STRAP: variants seen among roughly 807,000 people sequenced by gnomAD.
STRAP encodes the protein serine/threonine kinase receptor associated protein.
A neutral mutation model predicts 47.0 loss-of-function variants in STRAP; 16 were observed. That is an observed-to-expected ratio of 0.34 (90% CI 0.23 to 0.52). The LOEUF is 0.52. STRAP is among the 20% of genes least tolerant of loss of function. The pLI is 0.96. For missense variants in STRAP, 293 were observed against 420.0 expected, an observed-to-expected ratio of 0.70 and a Z score of 2.64; for synonymous variants, 130 against 142.7, an observed-to-expected ratio of 0.91 and a Z score of 0.63.
At chr12:15,900,824 T>C (rs1948097041) in intron 8 of STRAP, 123 bp from the exon 9 acceptor site, 2 of 663,292 alleles carry the variant, frequency 3.0e-6, no homozygotes. Context: ...AAAGGAGTTG[T>C]TTTTATTATA....
At chr12:15,899,698 T>C (rs1008422825) in intron 7 of STRAP, among the ~76,000 whole-genome samples, 1 of 152,184 alleles carries the variant, frequency 6.6e-6, no homozygotes, top group African/African-American at 2.4e-5. Context: ...AACTAGAATG[T>C]GTGCTAGATT....
Position 15,887,673 on chromosome 12 carries a change from C to G in STRAP, c.249-2255C>G, listed in dbSNP as rs1193714257. Among the ~76,000 whole-genome samples, 1 of 152,162 alleles carries G rather than the reference C, an allele frequency of 6.6e-6. No homozygotes were observed. Among genetic ancestry groups the G allele is most frequent in the Non-Finnish European group, 1.5e-5 (1 of 68,024 alleles). Reference sequence around the variant, plus strand: ...TATTACTACTTTGGTCACTCCAACTCTCTTCTCACCTTTGAATAGACACAG... The same window carrying G: ...TATTACTACTTTGGTCACTCCAACTGTCTTCTCACCTTTGAATAGACACAG... On this transcript the variant is annotated intron_variant, in intron 2 of 9. Transcript: ENST00000419869. The surrounding 1 kb of genome is among the most constrained non-coding windows in gnomAD (Gnocchi z 5.5).
intron 4 of STRAP, among the ~76,000 whole-genome samples, chr12:15,892,914 T>C (rs1028746304): frequency 2.6e-5 from 4 of 152,338 alleles, no homozygotes; most frequent in South Asian, 2.1e-4. Flanking sequence ...TTATGAAAGT[T>C]GCTCTTTCGC....
At position 15,887,449 on chromosome 12, in the gene STRAP, T is replaced by G. The variant is rs1947981193; in HGVS notation, c.249-2479T>G. On this transcript the variant is annotated intron_variant, in intron 2 of 9. Coordinates refer to ENST00000419869, the MANE Select transcript of STRAP (RefSeq NM_007178.4). This position sits in a 1 kb window ranked among gnomAD's most constrained non-coding sequence, Gnocchi z 5.5. ...TCTTGATTTGAGCCCTGTGGCCAAC[T>G]AATATATGTCAATTTCTTGCCTGGA... Among the ~76,000 whole-genome samples, 1 of 152,232 alleles carries G rather than the reference T, an allele frequency of 6.6e-6. No individual in the cohort carries two copies. Among genetic ancestry groups the G allele is most frequent in the African/African-American group, 2.4e-5 (1 of 41,454 alleles).
chr12:15,890,060 G>A lies in STRAP; in HGVS notation c.330+51G>A, dbSNP rs1209128450. The A allele has an allele frequency of 6.8e-7, 1 of 1,480,864 alleles. No homozygotes were observed. The highest frequency in any genetic ancestry group is 1.1e-5 in the South Asian group (1 of 88,030). The allele number at this position is 1,480,864 out of a possible 1,614,324, so 91.7% of individuals were successfully genotyped here. On this transcript the variant is annotated intron_variant, in intron 3 of 9. Coordinates refer to ENST00000419869, the MANE Select transcript of STRAP (RefSeq NM_007178.4). This position sits in a 1 kb window ranked among gnomAD's most constrained non-coding sequence, Gnocchi z 4.5. ...GCGAGTTAAGTTGCTGGTACATAGT[G>A]TGATAATGCTTTTATACTTGATTGG...
intron 2 of STRAP, among the ~76,000 whole-genome samples, chr12:15,886,769 G>A (rs994850744): frequency 7.9e-5 from 12 of 151,884 alleles, no homozygotes; most frequent in East Asian, 3.9e-4. Flanking sequence ...CCATTCTTAC[G>A]TTTCTTGGAA....
Position 15,893,958 on chromosome 12 carries a change from G to T in STRAP, c.404-89G>T. 9 of 1,048,006 alleles carry T rather than the reference G, an allele frequency of 8.6e-6. 1 individual carries two copies. The Middle Eastern group carries it at 1.3e-3, about 153-fold the overall frequency. 64.9% of individuals were successfully genotyped at this position (1,048,006 alleles called of 1,614,324 possible). On this transcript the variant is annotated intron_variant, in intron 4 of 9. Coordinates refer to ENST00000419869, the MANE Select transcript of STRAP (RefSeq NM_007178.4). ...AAAGTTGCAGTCTAATTTAAAATGTGTGTTTTTAAAAATATATAATTGTTC... is the reference window on the plus strand; with the variant it reads ...AAAGTTGCAGTCTAATTTAAAATGTTTGTTTTTAAAAATATATAATTGTTC...
At chr12:15,886,717 T>C (rs1404669125) in intron 2 of STRAP, among the ~76,000 whole-genome samples, 2 of 152,190 alleles carry the variant, frequency 1.3e-5, no homozygotes, top group Non-Finnish European at 2.9e-5. Flanking sequence ...TGATTAGTCA[T>C]GGTTGGTATA....
intron 4 of STRAP, among the ~76,000 whole-genome samples, chr12:15,893,738 T>C (rs1591987022): frequency 6.6e-6 from 1 of 150,706 alleles, no homozygotes; most frequent in East Asian, 1.9e-4. Context: ...TTATTTATTA[T>C]ACAATAATGC....
intron 2 of STRAP, among the ~76,000 whole-genome samples, chr12:15,888,356 A>G (rs927083418): frequency 6.6e-6 from 1 of 152,214 alleles, no homozygotes; most frequent in African/African-American, 2.4e-5. Context: ...AGGTTGGGAA[A>G]GTAGATTGGG....
chr12:15,897,068 G>A (rs1948065473), intron 6 of STRAP, among the ~76,000 whole-genome samples: 1 of 152,174 alleles, frequency 6.6e-6, no homozygotes, highest in Admixed American at 6.5e-5. Flanking sequence ...CCATGTTGGT[G>A]GCAGAAATTT....
intron 1 of STRAP, 89 bp downstream of exon 1, chr12:15,882,908 G>A: frequency 7.1e-7 from 1 of 1,417,540 alleles, no homozygotes; most frequent in Non-Finnish European, 9.7e-7. Flanking sequence ...AAGCGGTGGT[G>A]TGGTGAGGGG....
chr12:15,889,891 A>G (rs1948000556), intron 2 of STRAP, 37 bp from the exon 3 acceptor site: 2 of 1,529,786 alleles, frequency 1.3e-6, no homozygotes, highest in East Asian at 2.3e-5. Flanking sequence ...ATATTGGGTA[A>G]TATTTATCCT....
rs547741344 is a variant in STRAP, at chr12:15,898,208, G to A, written c.775+190G>A. ...ACCATTTGGGTCAGATGCTTTTATA[G>A]ATCTGTAAACAAAGTATGCAGAAAT... On this transcript the variant is annotated intron_variant, in intron 7 of 9. Coordinates refer to ENST00000419869, the MANE Select transcript of STRAP (RefSeq NM_007178.4). The A allele has an allele frequency of 8.5e-6, 3 of 353,078 alleles. No homozygotes were observed. The South Asian group carries it at 1.6e-4, about 18-fold the overall frequency. 21.9% of individuals were successfully genotyped at this position (353,078 alleles called of 1,614,324 possible).
Position 15,894,320 on chromosome 12 carries a change from G to A in STRAP, c.500+177G>A, listed in dbSNP as rs112307704. ...TGAAAATTACAAAACTTAGCCAAGC[G>A]CGGTGGCACACACCTATAATCCCAG... On this transcript the variant is annotated intron_variant, in intron 5 of 9. Coordinates refer to ENST00000419869, the MANE Select transcript of STRAP (RefSeq NM_007178.4). This position sits in a 1 kb window ranked among gnomAD's most constrained non-coding sequence, Gnocchi z 4.9. Among the ~76,000 whole-genome samples, 37 of 152,252 alleles carry A rather than the reference G, an allele frequency of 2.4e-4. 1 individual carries two copies. The highest frequency in any genetic ancestry group is 8.4e-4 in the African/African-American group (35 of 41,552).
Position 15,897,746 on chromosome 12 carries a change from T to C in STRAP, c.639-136T>C, listed in dbSNP as rs183166285. On this transcript the variant is annotated intron_variant, in intron 6 of 9. Transcript: ENST00000419869. Reference sequence around the variant, plus strand: ...TTTTTTTTTTTTGCTAACAGCTTTTTTTACATCAGTGTTTATGTTTGAGTA... The same window carrying C: ...TTTTTTTTTTTTGCTAACAGCTTTTCTTACATCAGTGTTTATGTTTGAGTA... 505 of 567,448 alleles carry C rather than the reference T, an allele frequency of 8.9e-4. 1 individual carries two copies. The highest frequency in any genetic ancestry group is 7.9e-3 in the African/African-American group (410 of 51,746). 35.2% of individuals were successfully genotyped at this position (567,448 alleles called of 1,614,324 possible).
Position 15,894,233 on chromosome 12 carries a change from T to G in STRAP, c.500+90T>G, listed in dbSNP as rs1591987280. 2 of 1,001,580 alleles carry G rather than the reference T, an allele frequency of 2.0e-6. No individual in the cohort carries two copies. The highest frequency in any genetic ancestry group is 5.1e-5 in the East Asian group (2 of 39,320). The allele number at this position is 1,001,580 out of a possible 1,614,324, so 62.0% of individuals were successfully genotyped here. On this transcript the variant is annotated intron_variant, in intron 5 of 9. Coordinates refer to ENST00000419869, the MANE Select transcript of STRAP (RefSeq NM_007178.4). This position sits in a 1 kb window ranked among gnomAD's most constrained non-coding sequence, Gnocchi z 4.9. The stretch of plus-strand genomic sequence containing the variant: ...TCAGCACTTTGGGAGGCGAGCCGGG[T>G]GGATCATTAGAGGTCAGGAGTACTA...
chr12:15,886,555 T>G (rs1290916041), intron 2 of STRAP, among the ~76,000 whole-genome samples: 1 of 152,180 alleles, frequency 6.6e-6, no homozygotes, highest in Non-Finnish European at 1.5e-5. Flanking sequence ...TCCAATATGA[T>G]CTCTGTCACA....
chr12:15,898,086 A>G, intron 7 of STRAP, 68 bp downstream of exon 7: 1 of 1,321,486 alleles, frequency 7.6e-7, no homozygotes, highest in Admixed American at 2.5e-5. Context: ...TTAACACCTC[A>G]TTTATATATA....
Sources: allele counts gnomAD v4.1 joint callset (sites outside exome capture counted in the v4.1 genomes callset), GRCh38; gene constraint gnomAD v4.1.1; non-coding constraint Gnocchi (gnomAD v3.1); transcripts MANE v1.5; gene names NCBI Gene and HGNC (gene_info 2026-07-23, HGNC 2026-07-21).